FZD5: variants seen among roughly 807,000 people sequenced by gnomAD.
FZD5 encodes the protein frizzled class receptor 5, also known as frizzled-5.
A neutral mutation model predicts 40.8 loss-of-function variants in FZD5; 12 were observed. The observed-to-expected ratio is 0.29, with a 90% confidence interval of 0.19 to 0.48. FZD5 has a LOEUF of 0.48. FZD5 is among the 20% of genes least tolerant of loss of function. The probability of loss-of-function intolerance (pLI) is 0.99; values close to 1 mark genes in which losing one functional copy is unlikely to be tolerated. For missense variants in FZD5, 622 were observed against 832.8 expected (o/e 0.75, Z 3.12); for synonymous variants, 380 against 383.7 (o/e 0.99, Z 0.11).
At position 207,766,884 on chromosome 2, in the gene FZD5, A is replaced by C; in HGVS notation, c.*98T>G. 1.0e-6 allele frequency: 1 copy of C among 994,140 alleles called. No homozygotes were observed. The highest frequency in any genetic ancestry group is 2.4e-5 in the South Asian group (1 of 41,668). The allele number at this position is 994,140 out of a possible 1,614,324, so 61.6% of individuals were successfully genotyped here. A position where few individuals can be genotyped will look rare whatever the true frequency, so the allele number is the denominator to read the frequency against. On this transcript the variant is annotated 3_prime_UTR_variant, in exon 2 of 2. Coordinates refer to ENST00000295417, the MANE Select transcript of FZD5 (RefSeq NM_003468.4). ...CCAAGTCGCCGCGGGAGGGGGCAAC[A>C]GCACCATGAAGGTAAACGGAAGTGA... is the stretch of plus-strand genomic sequence containing the variant.
chr2:207,765,140 G>C lies in FZD5; in HGVS notation c.*1842C>G, dbSNP rs1179039230. ...AGTAAAGTGTTTAAATTCCCCCTGG[G>C]AACTATGCATTTGTCTATTTAACAT... is the stretch of plus-strand genomic sequence containing the variant. On this transcript the variant is annotated 3_prime_UTR_variant, in exon 2 of 2. Transcript: ENST00000295417. 6.6e-6 allele frequency: 1 copy of C among 152,146 alleles called. No individual in the cohort carries two copies. The highest frequency in any genetic ancestry group is 1.5e-5 in the Non-Finnish European group (1 of 68,020). 9.4% of individuals were successfully genotyped at this position (152,146 alleles called of 1,614,324 possible). A position where few individuals can be genotyped will look rare whatever the true frequency, so the allele number is the denominator to read the frequency against.
rs371075110 is a variant in FZD5 at position 207,768,179 on chromosome 2, C to T, written c.561G>A (p.Pro187=). 2.0e-5 allele frequency: 32 copies of T among 1,603,160 alleles called. No individual in the cohort carries two copies. The Admixed American group carries it at 2.3e-4, about 12-fold the overall frequency. The change falls in exon 2 of 2, where the codon CCG becomes CCA. Residue 187 remains proline (P), a synonymous_variant. Coordinates refer to ENST00000295417, the MANE Select transcript of FZD5 (RefSeq NM_003468.4). ...ASGGECPAGG[P]FVCKCREPFV... ...AGGGCTCGCGACACTTGCACACGAACGGGCCCCCAGCGGGGCATTCGCCCC... is the reference window on the plus strand; with the variant it reads ...AGGGCTCGCGACACTTGCACACGAATGGGCCCCCAGCGGGGCATTCGCCCC...
Position 207,767,042 on chromosome 2 carries a change from C to T in FZD5, c.1698G>A (p.Arg566=), listed in dbSNP as rs369602029. 4.4e-5 allele frequency: 66 copies of T among 1,515,824 alleles called. No homozygotes were observed. The highest frequency in any genetic ancestry group is 5.7e-5 in the Non-Finnish European group (65 of 1,142,738). 93.9% of individuals were successfully genotyped at this position (1,515,824 alleles called of 1,614,324 possible). A position where few individuals can be genotyped will look rare whatever the true frequency, so the allele number is the denominator to read the frequency against. Residue 566 remains arginine, a synonymous_variant, in exon 2 of 2, where the codon AGG becomes AGA. Transcript: ENST00000295417. ...YPEASAALTG[R]TGPPGPAATY... ...TGGCGGCGGGGCCCGGCGGCCCGGT[C>T]CTGCCTGTGAGCGCGGCGCTCGCCT...
At chr2:207,769,038 G>C (rs1269301114) in intron 1 of FZD5, 44 bp from the exon 2 acceptor site, 14 of 453,770 alleles carry the variant, frequency 3.1e-5, no homozygotes, top group Non-Finnish European at 5.3e-5. Context: ...ACCACTCCCT[G>C]TTGGAGAGGC....
rs992786254 is a variant in FZD5, at chr2:207,769,875, G to C, written c.-866C>G. Among the ~76,000 whole-genome samples the C allele has an allele frequency of 6.6e-6, 1 of 152,006 alleles. No homozygotes were observed. Among genetic ancestry groups the C allele is most frequent in the Non-Finnish European group, 1.5e-5 (1 of 67,976 alleles). On this transcript the variant is annotated 5_prime_UTR_variant, in exon 1 of 2. Transcript: ENST00000295417. Reference sequence around the variant, plus strand: ...GGAACCGCGCGCGGCGGCGACCACAGCGGACTCACGGCCGCAGGCTGGCTG... The same window carrying C: ...GGAACCGCGCGCGGCGGCGACCACACCGGACTCACGGCCGCAGGCTGGCTG...
chr2:207,768,581 G>A lies in FZD5; in HGVS notation c.159C>T (p.Asn53=). 1 of 1,613,998 alleles carries A rather than the reference G, an allele frequency of 6.2e-7. No homozygotes were observed. ...CGTCCTGCGTGTCGTGGTTGAACTG[G>A]TTGGGCATGTGCGTCAGGTTGTAGC... ...GIGYNLTHMP[N]QFNHDTQDEA... is the part of the protein sequence containing the mutation. The change falls in exon 2 of 2, where the codon AAC becomes AAT. Residue 53 remains asparagine (N), a synonymous_variant. Transcript: ENST00000295417.
At position 207,768,545 on chromosome 2, in the gene FZD5, C is replaced by T. The variant is rs2091994095; in HGVS notation, c.195G>A (p.Leu65=). The T allele has an allele frequency of 3.1e-6, 5 of 1,613,874 alleles. No individual in the cohort carries two copies. Among genetic ancestry groups the T allele is most frequent in the Non-Finnish European group, 4.2e-6 (5 of 1,179,890 alleles). The change falls in exon 2 of 2, where the codon CTG becomes CTA. Residue 65 remains leucine (L), a synonymous_variant. Coordinates refer to ENST00000295417, the MANE Select transcript of FZD5 (RefSeq NM_003468.4). ...CCAGCGGCCAGAACTGGTGCACCTC[C>T]AGGCCCGCCTCGTCCTGCGTGTCGT... ...FNHDTQDEAG[L]EVHQFWPLVE...
In FZD5 at chr2:207,768,847, G is replaced by A. The variant is rs537427575; in HGVS notation, c.-108C>T. On this transcript the variant is annotated 5_prime_UTR_variant, in exon 2 of 2. Coordinates refer to ENST00000295417, the MANE Select transcript of FZD5 (RefSeq NM_003468.4). ...GCGTCTCGTGTGTGGCGCCGGGGCT[G>A]GCAACCTGTTGGTTGCTTTTTCCTT... is the stretch of plus-strand genomic sequence containing the variant. The A allele has an allele frequency of 5.5e-6, 5 of 906,656 alleles. No homozygotes were observed. The highest frequency in any genetic ancestry group is 3.0e-5 in the Admixed American group (1 of 33,776). The allele number at this position is 906,656 out of a possible 1,614,324, so 56.2% of individuals were successfully genotyped here.
rs1242119711 is a variant in FZD5 at position 207,764,507 on chromosome 2, A to T, written c.*2475T>A. 1 of 152,204 alleles carries T rather than the reference A, an allele frequency of 6.6e-6. No homozygotes were observed. The highest frequency in any genetic ancestry group is 1.5e-5 in the Non-Finnish European group (1 of 68,058). 9.4% of individuals were successfully genotyped at this position (152,204 alleles called of 1,614,324 possible). A position where few individuals can be genotyped will look rare whatever the true frequency, so the allele number is the denominator to read the frequency against. ...AGGGACAGCAGAGGTGAGAACAGAG[A>T]CAAAGAAGTGCTTCTGAAAGTTGGT... is the stretch of plus-strand genomic sequence containing the variant. On this transcript the variant is annotated 3_prime_UTR_variant, in exon 2 of 2. Transcript: ENST00000295417.
At position 207,763,029 on chromosome 2, in the gene FZD5, C is replaced by T. The variant is rs911075685; in HGVS notation, c.*3953G>A. ...GGATTTAACATAACAGTGACTACAG[C>T]ATGGGATAGGCACTATACATATATG... On this transcript the variant is annotated 3_prime_UTR_variant, in exon 2 of 2. Transcript: ENST00000295417. 2 of 152,584 alleles carry T rather than the reference C, an allele frequency of 1.3e-5. No individual in the cohort carries two copies. The highest frequency in any genetic ancestry group is 4.8e-5 in the African/African-American group (2 of 41,420). The allele number at this position is 152,584 out of a possible 1,614,324, so 9.5% of individuals were successfully genotyped here. A position where few individuals can be genotyped will look rare whatever the true frequency, so the allele number is the denominator to read the frequency against.
In FZD5 at chr2:207,766,180, A is replaced by C. The variant is rs1384863793; in HGVS notation, c.*802T>G. 1 of 151,966 alleles carries C rather than the reference A, an allele frequency of 6.6e-6. No homozygotes were observed. Among genetic ancestry groups the C allele is most frequent in the Non-Finnish European group, 1.5e-5 (1 of 68,020 alleles). The allele number at this position is 151,966 out of a possible 1,614,324, so 9.4% of individuals were successfully genotyped here. A position where few individuals can be genotyped will look rare whatever the true frequency, so the allele number is the denominator to read the frequency against. On this transcript the variant is annotated 3_prime_UTR_variant, in exon 2 of 2. Transcript: ENST00000295417. The stretch of plus-strand genomic sequence containing the variant: ...ACCAGCCTAAAATTCAAGCTCCACC[A>C]ATCACCATCGCTTAGGCTCTCACTA...
chr2:207,762,896 A>G lies in FZD5; in HGVS notation c.*4086T>C, dbSNP rs1035634006. On this transcript the variant is annotated 3_prime_UTR_variant, in exon 2 of 2. Transcript: ENST00000295417. ...CAAGCTGCTCTGGGTTTCCTTTTGT[A>G]AGTGTTACAGATTCAGAACTGTAAT... 1 of 152,634 alleles carries G rather than the reference A, an allele frequency of 6.6e-6. No homozygotes were observed. The highest frequency in any genetic ancestry group is 1.5e-5 in the Non-Finnish European group (1 of 68,036). 9.5% of individuals were successfully genotyped at this position (152,634 alleles called of 1,614,324 possible).
At position 207,767,619 on chromosome 2, in the gene FZD5, G is replaced by A; in HGVS notation, c.1121C>T (p.Thr374Met). 2 of 1,612,910 alleles carry A rather than the reference G, an allele frequency of 1.2e-6. No homozygotes were observed. Among genetic ancestry groups the A allele is most frequent in the Non-Finnish European group, 8.5e-7 (1 of 1,179,714 alleles). Residue 374 changes from threonine (T) to methionine (M), a missense_variant, in exon 2 of 2, where the codon ACG (threonine) becomes ATG (methionine). Thr to Met is a moderately conservative substitution (Grantham distance 81). Around this residue, in one of 4 missense-constraint regions of FZD5, gnomAD observed 208 missense variants for 348.9 expected, o/e 0.60. Transcript: ENST00000295417. ...GTCCACGGAGCTCAGCGCCAGTGCC[G>A]TGATGGACTTGACGCTGGGGATGAG... is the stretch of plus-strand genomic sequence containing the variant. ...AWLIPSVKSI[T>M]ALALSSVDGD...
Position 207,768,802 on chromosome 2 carries a change from G to A in FZD5, c.-63C>T. 1 of 1,317,644 alleles carries A rather than the reference G, an allele frequency of 7.6e-7. No individual in the cohort carries two copies. The highest frequency in any genetic ancestry group is 1.0e-6 in the Non-Finnish European group (1 of 979,132). 81.6% of individuals were successfully genotyped at this position (1,317,644 alleles called of 1,614,324 possible). A position where few individuals can be genotyped will look rare whatever the true frequency, so the allele number is the denominator to read the frequency against. On this transcript the variant is annotated 5_prime_UTR_variant, in exon 2 of 2. Transcript: ENST00000295417. The stretch of plus-strand genomic sequence containing the variant: ...GGACGCACACAGGCAGAGGAATCCG[G>A]GCCGGGGCTTCTCCCTCCGGCGTCT...
chr2:207,768,964 C>T lies in FZD5; in HGVS notation c.-225G>A. On this transcript the variant is annotated 5_prime_UTR_variant, in exon 2 of 2. Transcript: ENST00000295417. ...CTCGCCGGATAGGGCTGGGGAGAGA[C>T]GGTTAGGGCTCGGATTCCAGGGAAA... 1 of 562,884 alleles carries T rather than the reference C, an allele frequency of 1.8e-6. No individual in the cohort carries two copies. The highest frequency in any genetic ancestry group is 3.2e-6 in the Non-Finnish European group (1 of 311,968). 34.9% of individuals were successfully genotyped at this position (562,884 alleles called of 1,614,324 possible).
In FZD5 at chr2:207,768,841, G is replaced by A. The variant is rs1386096040; in HGVS notation, c.-102C>T. 6 of 961,768 alleles carry A rather than the reference G, an allele frequency of 6.2e-6. No individual in the cohort carries two copies. Among genetic ancestry groups the A allele is most frequent in the Non-Finnish European group, 9.1e-6 (6 of 658,040 alleles). The allele number at this position is 961,768 out of a possible 1,614,324, so 59.6% of individuals were successfully genotyped here. The stretch of plus-strand genomic sequence containing the variant: ...CCTCCGGCGTCTCGTGTGTGGCGCC[G>A]GGGCTGGCAACCTGTTGGTTGCTTT... On this transcript the variant is annotated 5_prime_UTR_variant, in exon 2 of 2. Coordinates refer to ENST00000295417, the MANE Select transcript of FZD5 (RefSeq NM_003468.4).
chr2:207,767,926 T>C lies in FZD5; in HGVS notation c.814A>G (p.Ile272Val), dbSNP rs2091988835. 3 of 1,598,702 alleles carry C rather than the reference T, an allele frequency of 1.9e-6. No homozygotes were observed. Among genetic ancestry groups the C allele is most frequent in the African/African-American group, 1.3e-5 (1 of 74,678 alleles). The change falls in exon 2 of 2, where the codon ATC (isoleucine) becomes GTC (valine). Residue 272 changes from isoleucine to valine, a missense_variant. By Grantham distance (29) the Ile-to-Val change is conservative. Around this residue, in one of 4 missense-constraint regions of FZD5, gnomAD observed 208 missense variants for 348.9 expected, o/e 0.60. Transcript: ENST00000295417. ...ERFRYPERPI[I>V]FLSACYLCVS... The stretch of plus-strand genomic sequence containing the variant: ...CACAGGTAGCAGGCTGACAGGAAGA[T>C]GATGGGGCGCTCAGGATAGCGGAAG...
rs1253713439 is a variant in FZD5, at chr2:207,768,889, AAGATAAACTGCTTC to A, written c.-164_-151del. ...TTTTTCCTTTAAAGAAAACCGTCCA[AAGATAAACTGCTTC>A]GGGAAGGCGCTGCCTCCGCTGGCAG... On this transcript the variant is annotated 5_prime_UTR_variant, in exon 2 of 2. Coordinates refer to ENST00000295417, the MANE Select transcript of FZD5 (RefSeq NM_003468.4). The A allele has an allele frequency of 3.1e-6, 2 of 651,660 alleles. No individual in the cohort carries two copies. Among genetic ancestry groups the A allele is most frequent in the Non-Finnish European group, 5.3e-6 (2 of 377,084 alleles). The allele number at this position is 651,660 out of a possible 1,614,324, so 40.4% of individuals were successfully genotyped here. A position where few individuals can be genotyped will look rare whatever the true frequency, so the allele number is the denominator to read the frequency against.
rs1274145533 is a variant in FZD5 at position 207,769,580 on chromosome 2, C to G, written c.-571G>C. The G allele has an allele frequency of 5.9e-5, 9 of 152,410 alleles. No homozygotes were observed. Among genetic ancestry groups the G allele is most frequent in the African/African-American group, 1.9e-4 (8 of 41,460 alleles). The allele number at this position is 152,410 out of a possible 1,614,324, so 9.4% of individuals were successfully genotyped here. ...GGCCGGGAGCCGGACGGAGGGCGAGCGCGCCTGGCAGCACCTGGGCGGGAG... is the reference window on the plus strand; with the variant it reads ...GGCCGGGAGCCGGACGGAGGGCGAGGGCGCCTGGCAGCACCTGGGCGGGAG... On this transcript the variant is annotated 5_prime_UTR_variant, in exon 1 of 2. Transcript: ENST00000295417.
Sources: gnomAD v4.1 joint callset for allele counts (sites outside exome capture counted in the v4.1 genomes callset) on GRCh38, gnomAD v4.1.1 for gene constraint, gnomAD v4.1.1 regional missense constraint, MANE v1.5 for transcripts, NCBI Gene and HGNC (gene_info 2026-07-23, HGNC 2026-07-21) for gene names.